Variants in RBFOX1 observed in about 807,000 individuals in gnomAD.
RBFOX1 encodes the protein RNA binding fox-1 homolog 1, also known as RNA binding protein fox-1 homolog 1.
In RBFOX1, 8 loss-of-function variants were observed where a neutral mutation model predicts 57.7. The observed-to-expected ratio is 0.14, with a 90% CI of 0.08 to 0.25. RBFOX1 has a LOEUF of 0.25. RBFOX1 is among the 10% of genes least tolerant of loss of function. The pLI is 1.00. For synonymous variants in RBFOX1, 326 were observed against 222.4 expected, an observed-to-expected ratio of 1.47 and a Z score of -4.15; for missense variants, 611 against 548.5, an observed-to-expected ratio of 1.11 and a Z score of -1.14.
At chr16:7,067,701 A>G (rs1305216395) in intron 4 of RBFOX1, among the ~76,000 whole-genome samples, 4 of 116,862 alleles carry the variant, frequency 3.4e-5, no homozygotes, top group Non-Finnish European at 5.1e-5. Context: ...CCACCCCACA[A>G]CAATCCCCAG....
intron 3 of RBFOX1, among the ~76,000 whole-genome samples, chr16:6,840,088 A>G (rs1315611133): frequency 2.0e-5 from 3 of 152,194 alleles, no homozygotes; most frequent in Non-Finnish European, 4.4e-5. Flanking sequence ...TAAAATGCTG[A>G]TCAGTACTAC....
At chr16:7,065,409 C>G (rs1203321073) in intron 4 of RBFOX1, among the ~76,000 whole-genome samples, 4 of 152,146 alleles carry the variant, frequency 2.6e-5, no homozygotes, top group African/African-American at 9.7e-5. Flanking sequence ...TCCAAGCACC[C>G]TGCCTCGTTC....
rs1190886141 is a variant in RBFOX1 at position 7,144,417 on chromosome 16, CTTTTTTTTT to C, written c.27+92332_27+92340del. 6.0e-5 allele frequency among the ~76,000 whole-genome samples: 4 copies of C among 66,914 alleles called. No individual in the cohort carries two copies. The Admixed American group carries it at 9.2e-4, about 15-fold the overall frequency. 43.9% of individuals were successfully genotyped at this position (66,914 alleles called of 152,430 possible). ...TCTTTTCTCTTTCTTTTTCTTTCTTCTTTTTTTTTTTTTTTTTTTTTGAGTCAGGGCCCC... is the reference window on the plus strand; with the variant it reads ...TCTTTTCTCTTTCTTTTTCTTTCTTCTTTTTTTTTTTTGAGTCAGGGCCCC... On this transcript the variant is annotated intron_variant, in intron 4 of 15. Transcript: ENST00000550418.
At chr16:6,849,777 C>T (rs551619066) in intron 3 of RBFOX1, among the ~76,000 whole-genome samples, 21 of 152,328 alleles carry the variant, frequency 1.4e-4, no homozygotes, top group African/African-American at 4.8e-4. Flanking sequence ...AATGCCATCT[C>T]CTCCAAGAAG....
chr16:5,770,336 T>C (rs1372122905), intron 3 of RBFOX1, among the ~76,000 whole-genome samples: 1 of 151,850 alleles, frequency 6.6e-6, no homozygotes, highest in East Asian at 1.9e-4. Context: ...TATGCATTAA[T>C]GCATTAGCAT....
At chr16:7,238,872 T>C (rs2093913666) in intron 4 of RBFOX1, among the ~76,000 whole-genome samples, 1 of 152,212 alleles carries the variant, frequency 6.6e-6, no homozygotes. Flanking sequence ...AGCTCCCACT[T>C]ATACGTGAGA....
At chr16:6,908,484 C>T (rs868707175) in intron 3 of RBFOX1, among the ~76,000 whole-genome samples, 30 of 152,162 alleles carry the variant, frequency 2.0e-4, no homozygotes, top group Non-Finnish European at 2.4e-4. Flanking sequence ...ATGCCCAATC[C>T]TCTAGGAAGG....
intron 4 of RBFOX1, among the ~76,000 whole-genome samples, chr16:5,987,020 T>C (rs1306317472): frequency 2.0e-5 from 3 of 152,242 alleles, no homozygotes; most frequent in African/African-American, 7.2e-5. Flanking sequence ...TTTATTTGCA[T>C]CCTCACCAGC....
At chr16:7,557,078 T>G (rs1410925520) in intron 5 of RBFOX1, among the ~76,000 whole-genome samples, 2 of 152,010 alleles carry the variant, frequency 1.3e-5, no homozygotes, top group Non-Finnish European at 2.9e-5. Context: ...TGTTGTTTTA[T>G]TTTTTGCTGT....
At chr16:5,440,509 G>C (rs1455310420) in intron 1 of RBFOX1, among the ~76,000 whole-genome samples, 1 of 152,198 alleles carries the variant, frequency 6.6e-6, no homozygotes, top group Admixed American at 6.5e-5. Flanking sequence ...TTGGAGTTTG[G>C]AGAATGTATG....
intron 5 of RBFOX1, among the ~76,000 whole-genome samples, chr16:7,536,912 G>A (rs1353830231): frequency 6.6e-6 from 1 of 152,190 alleles, no homozygotes; most frequent in Non-Finnish European, 1.5e-5. Flanking sequence ...AAAGGAAGTT[G>A]GCATATTCCT....
intron 3 of RBFOX1, among the ~76,000 whole-genome samples, chr16:5,694,978 A>C (rs2050804251): frequency 1.3e-5 from 2 of 151,928 alleles, no homozygotes; most frequent in Admixed American, 1.3e-4. Context: ...GGTTGGATTA[A>C]AGGTGAGGGT....
intron 4 of RBFOX1, among the ~76,000 whole-genome samples, chr16:7,513,283 T>TAAA (rs1422157442): frequency 2.2e-5 from 3 of 135,482 alleles, no homozygotes; most frequent in East Asian, 2.4e-4. Context: ...AAAATAAAAA[T>TAAA]AATGAATGAA....
At chr16:6,923,548 A>C (rs754157046) in intron 3 of RBFOX1, among the ~76,000 whole-genome samples, 14 of 151,938 alleles carry the variant, frequency 9.2e-5, no homozygotes, top group Admixed American at 6.6e-4. Flanking sequence ...TAAATAAATA[A>C]AAAGATGTGG....
intron 2 of RBFOX1, among the ~76,000 whole-genome samples, chr16:6,568,919 C>T (rs368316937): frequency 7.2e-5 from 11 of 152,236 alleles, no homozygotes; most frequent in African/African-American, 1.9e-4. Flanking sequence ...AGTACAGGCA[C>T]GTGCCATTAT....
At chr16:5,994,580 A>G (rs376658340) in intron 4 of RBFOX1, among the ~76,000 whole-genome samples, 9 of 152,250 alleles carry the variant, frequency 5.9e-5, no homozygotes, top group Non-Finnish European at 1.0e-4. Flanking sequence ...GGTTCAGAGA[A>G]TAGATATTTC....
intron 4 of RBFOX1, among the ~76,000 whole-genome samples, chr16:7,153,864 G>T (rs1254883360): frequency 6.6e-6 from 1 of 152,010 alleles, no homozygotes; most frequent in Non-Finnish European, 1.5e-5. Flanking sequence ...TTTTGTTCTT[G>T]ATACCAGGCA....
intron 3 of RBFOX1, among the ~76,000 whole-genome samples, chr16:6,851,109 C>T (rs769772415): frequency 4.6e-5 from 7 of 152,134 alleles, no homozygotes; most frequent in African/African-American, 7.2e-5. Context: ...GTTTCACTCC[C>T]TTGTGGTGAG....
chr16:5,783,695 T>C (rs1279486567), intron 3 of RBFOX1, among the ~76,000 whole-genome samples: 1 of 152,230 alleles, frequency 6.6e-6, no homozygotes, highest in Non-Finnish European at 1.5e-5. Flanking sequence ...ATGACTTTAA[T>C]GATTGTTTAA....
Sources: allele counts gnomAD v4.1 joint callset (sites outside exome capture counted in the v4.1 genomes callset), GRCh38; gene constraint gnomAD v4.1.1; transcripts MANE v1.5; gene names NCBI Gene and HGNC (gene_info 2026-07-23, HGNC 2026-07-21).